The following NATD1 variants were observed in gnomAD, a reference collection of about 807,000 sequenced individuals.
The protein encoded by NATD1 is protein NATD1.
A neutral mutation model predicts 12.0 loss-of-function variants in NATD1; 9 were observed. The ratio of observed to expected loss-of-function variants is 0.75; its 90% CI spans 0.45 to 1.30. NATD1 has a LOEUF of 1.30. Among genes scored for constraint, NATD1 ranks in the 50% most tolerant of loss-of-function variants. The pLI is 0.00. For missense variants in NATD1, 148 were observed against 148.5 expected, an observed-to-expected ratio of 1.00 and a Z score of 0.02; for synonymous variants, 71 against 65.9, an observed-to-expected ratio of 1.08 and a Z score of -0.37.
chr17:21,239,927 C>G lies in NATD1; in HGVS notation c.*3386G>C, dbSNP rs1458435526. The G allele has an allele frequency of 6.6e-6, 1 of 152,288 alleles. No individual in the cohort carries two copies. The highest frequency in any genetic ancestry group is 2.4e-5 in the African/African-American group (1 of 41,468). The allele number at this position is 152,288 out of a possible 1,614,324, so 9.4% of individuals were successfully genotyped here. On this transcript the variant is annotated 3_prime_UTR_variant, in exon 3 of 3. Transcript: ENST00000611551. ...AGCTGGGGCGGAATGAGATATGGCC[C>G]TGGGCCTGGTGCAAGATTTTCACTT... is the stretch of plus-strand genomic sequence containing the variant.
intron 1 of NATD1, among the ~76,000 whole-genome samples, chr17:21,251,293 GAA>G (rs923554742): frequency 9.4e-5 from 8 of 85,540 alleles, no homozygotes; most frequent in Non-Finnish European, 1.7e-4. Context: ...GAAAGAAAAA[GAA>G]AAAAAAAAAA....
rs1975274273 is a variant in NATD1, at chr17:21,241,625, C to G, written c.*1688G>C. On this transcript the variant is annotated 3_prime_UTR_variant, in exon 3 of 3. Coordinates refer to ENST00000611551, the MANE Select transcript of NATD1 (RefSeq NM_152914.3). ...AGAGCTGACTTCCTGGAGGCCAGGG[C>G]AGGAGCATCTGCCACAGGTCAAGGG... 6.6e-6 allele frequency: 1 copy of G among 152,642 alleles called. No homozygotes were observed. The highest frequency in any genetic ancestry group is 2.1e-4 in the South Asian group (1 of 4,846). The allele number at this position is 152,642 out of a possible 1,614,324, so 9.5% of individuals were successfully genotyped here.
chr17:21,251,665 A>G (rs1478819875), intron 1 of NATD1, among the ~76,000 whole-genome samples: 1 of 152,206 alleles, frequency 6.6e-6, no homozygotes, highest in East Asian at 1.9e-4. Context: ...ACGAAGCTGT[A>G]GTGGGGCCTG....
intron 2 of NATD1, 42 bp from the exon 3 acceptor site, chr17:21,243,471 C>T (rs763747380): frequency 3.7e-5 from 57 of 1,521,454 alleles, no homozygotes; most frequent in South Asian, 2.4e-4. Context: ...GGCCTGCAGC[C>T]GGCACCAGAA....
chr17:21,249,158 T>G (rs931245739), intron 1 of NATD1, among the ~76,000 whole-genome samples: 1 of 151,770 alleles, frequency 6.6e-6, no homozygotes, highest in African/African-American at 2.4e-5. Flanking sequence ...CAGAAGACAT[T>G]GACCTCTGCT....
chr17:21,246,342 C>T (rs1314578827), intron 1 of NATD1, among the ~76,000 whole-genome samples: 1 of 151,928 alleles, frequency 6.6e-6, no homozygotes, highest in East Asian at 1.9e-4. Context: ...GGTGAAACCC[C>T]ATCTCTACTA....
At position 21,244,415 on chromosome 17, in the gene NATD1, G is replaced by T. The variant is rs748524945; in HGVS notation, c.107-191C>A. Reference sequence around the variant, plus strand: ...TAAAATGTCCTTCATAGGGTGGTTTGGAGGATTAAATGAGGTAACCTCTGT... The same window carrying T: ...TAAAATGTCCTTCATAGGGTGGTTTTGAGGATTAAATGAGGTAACCTCTGT... On this transcript the variant is annotated intron_variant, in intron 1 of 2. Coordinates refer to ENST00000611551, the MANE Select transcript of NATD1 (RefSeq NM_152914.3). The surrounding 1 kb of genome is among the most constrained non-coding windows in gnomAD (Gnocchi z 5.2). 1.3e-5 allele frequency among the ~76,000 whole-genome samples: 2 copies of T among 152,154 alleles called. No homozygotes were observed. Among genetic ancestry groups the T allele is most frequent in the Non-Finnish European group, 2.9e-5 (2 of 68,026 alleles).
At position 21,251,294 on chromosome 17, in the gene NATD1, A is replaced by AAAAG. The variant is rs1491204545; in HGVS notation, c.106+1864_106+1865insCTTT. On this transcript the variant is annotated intron_variant, in intron 1 of 2. Coordinates refer to ENST00000611551, the MANE Select transcript of NATD1 (RefSeq NM_152914.3). ...ACCCACTTGGAAGAGAAAGAAAAAG[A>AAAAG]AAAAAAAAAAAAAAAAACAAACGTA... Among the ~76,000 whole-genome samples, 3 of 101,334 alleles carry AAAAG rather than the reference A, an allele frequency of 3.0e-5. No individual in the cohort carries two copies. The South Asian group carries it at 7.8e-4, about 26-fold the overall frequency. 66.5% of individuals were successfully genotyped at this position (101,334 alleles called of 152,430 possible). A position where few individuals can be genotyped will look rare whatever the true frequency, so the allele number is the denominator to read the frequency against.
At chr17:21,247,269 GCTTT>G (rs1276003291) in intron 1 of NATD1, among the ~76,000 whole-genome samples, 1 of 152,250 alleles carries the variant, frequency 6.6e-6, no homozygotes, top group Non-Finnish European at 1.5e-5. Flanking sequence ...TAAAACAACT[GCTTT>G]CTGTCTTTGC....
In NATD1 at chr17:21,241,132, G is replaced by T. The variant is rs767399734; in HGVS notation, c.*2181C>A. On this transcript the variant is annotated 3_prime_UTR_variant, in exon 3 of 3. Coordinates refer to ENST00000611551, the MANE Select transcript of NATD1 (RefSeq NM_152914.3). ...AAGAGTCACCTGCTAGAACACAGGG[G>T]TAGGAATCTTAGGTGGGAGTGGGAA... 1 of 152,486 alleles carries T rather than the reference G, an allele frequency of 6.6e-6. No individual in the cohort carries two copies. The highest frequency in any genetic ancestry group is 6.5e-5 in the Admixed American group (1 of 15,294). 9.4% of individuals were successfully genotyped at this position (152,486 alleles called of 1,614,324 possible).
rs1412167594 is a variant in NATD1, at chr17:21,244,844, GC to G, written c.107-621del. ...GGAGCTCACCAGTCCACCCCAAACT[GC>G]TGCTGGGCAAACAATTAACTGAACT... On this transcript the variant is annotated intron_variant, in intron 1 of 2. Transcript: ENST00000611551. The surrounding 1 kb of genome is among the most constrained non-coding windows in gnomAD (Gnocchi z 5.2). Among the ~76,000 whole-genome samples, 1 of 152,186 alleles carries G rather than the reference GC, an allele frequency of 6.6e-6. No homozygotes were observed. The highest frequency in any genetic ancestry group is 1.5e-5 in the Non-Finnish European group (1 of 68,028).
intron 1 of NATD1, among the ~76,000 whole-genome samples, chr17:21,248,434 T>TGACTCTCTG (rs1336271761): frequency 9.9e-5 from 15 of 152,182 alleles, no homozygotes; most frequent in Non-Finnish European, 2.1e-4. Context: ...GGGGTCCAGC[T>TGACTCTCTG]GCCTCTCTGG....
In NATD1 at chr17:21,241,303, C is replaced by T. The variant is rs1424266152; in HGVS notation, c.*2010G>A. The T allele has an allele frequency of 5.3e-5, 8 of 152,308 alleles. No individual in the cohort carries two copies. The highest frequency in any genetic ancestry group is 3.9e-4 in the Admixed American group (6 of 15,280). 9.4% of individuals were successfully genotyped at this position (152,308 alleles called of 1,614,324 possible). On this transcript the variant is annotated 3_prime_UTR_variant, in exon 3 of 3. Transcript: ENST00000611551. ...GCCACAGGGACATGGCCCCAGCTCACTGAGCTCCTGAGTGGTCATGATTGA... is the reference window on the plus strand; with the variant it reads ...GCCACAGGGACATGGCCCCAGCTCATTGAGCTCCTGAGTGGTCATGATTGA...
In NATD1 at chr17:21,244,944, C is replaced by G. The variant is rs765234694; in HGVS notation, c.107-720G>C. Among the ~76,000 whole-genome samples, 11 of 152,212 alleles carry G rather than the reference C, an allele frequency of 7.2e-5. No individual in the cohort carries two copies. The highest frequency in any genetic ancestry group is 1.3e-4 in the Non-Finnish European group (9 of 68,048). On this transcript the variant is annotated intron_variant, in intron 1 of 2. Coordinates refer to ENST00000611551, the MANE Select transcript of NATD1 (RefSeq NM_152914.3). This position sits in a 1 kb window ranked among gnomAD's most constrained non-coding sequence, Gnocchi z 5.2. The stretch of plus-strand genomic sequence containing the variant: ...ACCCATCCATCAACCCACCCATCCA[C>G]TTATCCATCCACCAAATGTTTCCTG...
chr17:21,253,023 T>G, intron 1 of NATD1, 136 bp downstream of exon 1: 1 of 315,328 alleles, frequency 3.2e-6, no homozygotes, highest in Non-Finnish European at 4.6e-6. Flanking sequence ...CGGCGCGCGC[T>G]TGCAACAGCC....
Position 21,241,561 on chromosome 17 carries a change from CAGG to C in NATD1, c.*1749_*1751del, listed in dbSNP as rs1975273357. ...TGCCAGCTGCATCTCCCTGGAGGCC[CAGG>C]GCTTTCTCCGACCTCTCACACAAGC... On this transcript the variant is annotated 3_prime_UTR_variant, in exon 3 of 3. Transcript: ENST00000611551. 1 of 152,542 alleles carries C rather than the reference CAGG, an allele frequency of 6.6e-6. No homozygotes were observed. The highest frequency in any genetic ancestry group is 1.5e-5 in the Non-Finnish European group (1 of 68,326). 9.4% of individuals were successfully genotyped at this position (152,542 alleles called of 1,614,324 possible).
intron 1 of NATD1, among the ~76,000 whole-genome samples, chr17:21,245,499 C>T (rs908964282): frequency 2.0e-5 from 3 of 152,168 alleles, no homozygotes; most frequent in Admixed American, 1.3e-4. Flanking sequence ...GGAACTGGGG[C>T]CAACGGCAGC....
rs1189817750 is a variant in NATD1 at position 21,240,470 on chromosome 17, C to T, written c.*2843G>A. 2 of 152,638 alleles carry T rather than the reference C, an allele frequency of 1.3e-5. No homozygotes were observed. The highest frequency in any genetic ancestry group is 2.9e-5 in the Non-Finnish European group (2 of 68,172). 9.5% of individuals were successfully genotyped at this position (152,638 alleles called of 1,614,324 possible). On this transcript the variant is annotated 3_prime_UTR_variant, in exon 3 of 3. Coordinates refer to ENST00000611551, the MANE Select transcript of NATD1 (RefSeq NM_152914.3). ...GCAGACAGCACTGCATGCCAGGCCA[C>T]ACCTTTTATGGAAATGTTCCTCTGA...
chr17:21,251,230 C>T (rs1481071700), intron 1 of NATD1, among the ~76,000 whole-genome samples: 1 of 151,158 alleles, frequency 6.6e-6, no homozygotes, highest in African/African-American at 2.4e-5. Context: ...ATGTCCAGCC[C>T]TGACCACGGC....
Sources: allele counts gnomAD v4.1 joint callset (sites outside exome capture counted in the v4.1 genomes callset), GRCh38; gene constraint gnomAD v4.1.1; non-coding constraint Gnocchi (gnomAD v3.1); transcripts MANE v1.5; gene names NCBI Gene and HGNC (gene_info 2026-07-23, HGNC 2026-07-21).